The following GAS7 variants were observed in gnomAD, a reference collection of about 807,000 sequenced individuals.
GAS7 encodes the protein growth arrest-specific protein 7.
Under a neutral mutation model 71.1 loss-of-function variants are expected in GAS7, and 28 were observed. The ratio of observed to expected loss-of-function variants is 0.39; its 90% CI spans 0.29 to 0.54. GAS7 has a LOEUF of 0.54. GAS7 is among the 20% of genes least tolerant of loss of function. The pLI is 0.62. For missense variants in GAS7, 436 were observed against 627.8 expected, an observed-to-expected ratio of 0.69 and a Z score of 3.27; for synonymous variants, 258 against 245.8, an observed-to-expected ratio of 1.05 and a Z score of -0.46.
chr17:10,116,582 G>A (rs1376252783), intron 1 of GAS7, among the ~76,000 whole-genome samples: 1 of 152,162 alleles, frequency 6.6e-6, no homozygotes, highest in Non-Finnish European at 1.5e-5. Context: ...TCACTTACAG[G>A]AGAGCTCTTG....
intron 1 of GAS7, among the ~76,000 whole-genome samples, chr17:10,073,005 G>A (rs145638761): frequency 3.2e-3 from 494 of 152,322 alleles, no homozygotes; most frequent in Non-Finnish European, 5.0e-3. Context: ...CCCAGGGCAG[G>A]TGGCACGATG....
chr17:10,024,310 C>A (rs1597715025), intron 1 of GAS7, among the ~76,000 whole-genome samples: 1 of 152,130 alleles, frequency 6.6e-6, no homozygotes, highest in East Asian at 1.9e-4. Flanking sequence ...GTGTGCATAA[C>A]CACCCAATAA....
rs145177637 is a variant in GAS7, at chr17:10,022,958, T to G, written c.184-3061A>C. Among the ~76,000 whole-genome samples the G allele has an allele frequency of 5.0e-3, 756 of 152,302 alleles. 12 individuals are homozygous for G. The highest frequency in any genetic ancestry group is 6.8e-3 in the Middle Eastern group (2 of 294). ...CTCCTTACAGGAGCTGGAGAGCCAG[T>G]GGACCCAACCTGTGAACCTCAGTGT... On this transcript the variant is annotated intron_variant, in intron 1 of 13. Transcript: ENST00000432992.
intron 2 of GAS7, among the ~76,000 whole-genome samples, chr17:10,016,620 A>AC (rs555319624): frequency 0.16 from 20,520 of 128,206 alleles, 1,489 homozygotes; most frequent in Non-Finnish European, 0.18. Context: ...AAAAAAAAAA[A>AC]AAAACAAAAC....
At chr17:9,950,596 G>A (rs533642976) in intron 5 of GAS7, among the ~76,000 whole-genome samples, 334 of 152,244 alleles carry the variant, frequency 2.2e-3, no homozygotes, top group Non-Finnish European at 3.6e-3. Flanking sequence ...GGTGGCTCAC[G>A]CCTGTAATCC....
chr17:10,093,873 T>C (rs1355016800), intron 1 of GAS7, among the ~76,000 whole-genome samples: 1 of 152,154 alleles, frequency 6.6e-6, no homozygotes, highest in Non-Finnish European at 1.5e-5. Flanking sequence ...AACCTCTCAT[T>C]TTAAATCCTT....
At chr17:9,954,167 G>A (rs1381033677) in intron 5 of GAS7, among the ~76,000 whole-genome samples, 5 of 152,154 alleles carry the variant, frequency 3.3e-5, no homozygotes, top group Non-Finnish European at 1.5e-5. Flanking sequence ...TGGGGACCGC[G>A]TTGCTCGGTT....
chr17:9,990,271 A>G (rs1283159138), intron 2 of GAS7, among the ~76,000 whole-genome samples: 2 of 152,124 alleles, frequency 1.3e-5, no homozygotes, highest in Non-Finnish European at 2.9e-5. Flanking sequence ...TCCATCTCAA[A>G]AAAAAAAGAA....
At position 10,012,023 on chromosome 17, in the gene GAS7, T is replaced by TA. The variant is rs1055355985; in HGVS notation, c.304+7753dup. Reference sequence around the variant, plus strand: ...ACCATCTCAAATGGTACTCTTTGTTTAAAAAAAAAGAATGGCACAGATAAA... The same window carrying TA: ...ACCATCTCAAATGGTACTCTTTGTTTAAAAAAAAAAGAATGGCACAGATAAA... On this transcript the variant is annotated intron_variant, in intron 2 of 13. Coordinates refer to ENST00000432992, the MANE Select transcript of GAS7 (RefSeq NM_201433.2). Among the ~76,000 whole-genome samples the TA allele has an allele frequency of 8.6e-5, 13 of 150,636 alleles. No individual in the cohort carries two copies. In the South Asian group the frequency reaches 1.7e-3, roughly 19 times the overall value.
intron 5 of GAS7, among the ~76,000 whole-genome samples, chr17:9,950,748 C>T (rs541252741): frequency 1.3e-4 from 20 of 151,800 alleles, no homozygotes; most frequent in East Asian, 7.7e-4. Flanking sequence ...CCCAGCTACT[C>T]GAGAGGCTGA....
At chr17:10,038,201 T>C (rs1322732512) in intron 1 of GAS7, among the ~76,000 whole-genome samples, 4 of 151,896 alleles carry the variant, frequency 2.6e-5, no homozygotes, top group Non-Finnish European at 4.4e-5. Flanking sequence ...CTACTAAAAA[T>C]ACAAAAATTA....
intron 1 of GAS7, chr17:10,039,934 A>G (rs2072831226): frequency 9.4e-6 from 3 of 320,834 alleles, no homozygotes. Context: ...TTTCTCTTAC[A>G]TGCCTGACAG....
chr17:9,930,466 T>G (rs922831351), intron 9 of GAS7, among the ~76,000 whole-genome samples: 2 of 152,216 alleles, frequency 1.3e-5, no homozygotes, highest in African/African-American at 4.8e-5. Context: ...AATCTTCTGA[T>G]GGAACGCAGA....
At chr17:10,036,143 T>G (rs548599068) in intron 1 of GAS7, among the ~76,000 whole-genome samples, 1 of 152,140 alleles carries the variant, frequency 6.6e-6, no homozygotes, top group Admixed American at 6.5e-5. Flanking sequence ...GAGCCAAGAC[T>G]TCCTTTCTCT....
chr17:10,048,591 A>C (rs1201931583), intron 1 of GAS7, among the ~76,000 whole-genome samples: 1 of 152,200 alleles, frequency 6.6e-6, no homozygotes, highest in Non-Finnish European at 1.5e-5. Context: ...TGTTATGTCC[A>C]TTGCTGTGGG....
rs149233951 is a variant in GAS7 at position 10,112,455 on chromosome 17, G to A, written c.183+85753C>T. Among the ~76,000 whole-genome samples the A allele has an allele frequency of 7.2e-3, 1,104 of 152,300 alleles. 13 individuals carry two copies. Among genetic ancestry groups the A allele is most frequent in the African/African-American group, 0.025 (1,029 of 41,570 alleles). On this transcript the variant is annotated intron_variant, in intron 1 of 13. Coordinates refer to ENST00000432992, the MANE Select transcript of GAS7 (RefSeq NM_201433.2). The stretch of plus-strand genomic sequence containing the variant: ...AGTAGCATGTAGAAAATGGAGTCTA[G>A]CCGGGCGCGGTGTCTCACGCCTGTA...
intron 1 of GAS7, among the ~76,000 whole-genome samples, chr17:10,058,982 A>G (rs2073185571): frequency 6.6e-6 from 1 of 152,220 alleles, no homozygotes; most frequent in Non-Finnish European, 1.5e-5. Context: ...TTGCAAAACC[A>G]GAAAGGAACA....
intron 2 of GAS7, among the ~76,000 whole-genome samples, chr17:10,002,722 C>T (rs189993487): frequency 1.3e-5 from 2 of 152,292 alleles, no homozygotes; most frequent in African/African-American, 2.4e-5. Context: ...CATCCATGTC[C>T]CTACAAAGGA....
intron 1 of GAS7, among the ~76,000 whole-genome samples, chr17:10,119,459 C>T (rs959286469): frequency 1.3e-5 from 2 of 152,214 alleles, no homozygotes; most frequent in Non-Finnish European, 2.9e-5. Flanking sequence ...TAGAAAAGAG[C>T]ATGTCTCAGG....
Sources: allele counts gnomAD v4.1 joint callset (sites outside exome capture counted in the v4.1 genomes callset), GRCh38; gene constraint gnomAD v4.1.1; transcripts MANE v1.5; gene names NCBI Gene and HGNC (gene_info 2026-07-23, HGNC 2026-07-21).